The following FBXW7 variants were observed in gnomAD, a reference collection of about 807,000 sequenced individuals.
FBXW7 encodes the protein F-box and WD repeat domain containing 7.
In FBXW7, 11 loss-of-function variants were observed where a neutral mutation model predicts 86.3. That is an observed-to-expected ratio of 0.13 (90% CI 0.08 to 0.21). The LOEUF (loss-of-function observed/expected upper bound fraction) is 0.21, where lower values mean the gene tolerates loss of function less well. Ranked by LOEUF, FBXW7 falls within the 10% of genes least tolerant of loss-of-function variation. The pLI, the probability that FBXW7 is intolerant of heterozygous loss-of-function variation, is 1.00. For synonymous variants in FBXW7, 313 were observed against 297.9 expected, an observed-to-expected ratio of 1.05 and a Z score of -0.52; for missense variants, 488 against 847.4, an observed-to-expected ratio of 0.58 and a Z score of 5.27.
intron 4 of FBXW7, among the ~76,000 whole-genome samples, chr4:152,368,750 CAT>C (rs1174638675): frequency 6.6e-6 from 1 of 152,038 alleles, no homozygotes; most frequent in African/African-American, 2.4e-5. Context: ...AAATCAATAA[CAT>C]GTATTTTTAA....
rs565746705 is a variant in FBXW7 at position 152,439,278 on chromosome 4, C to A, written c.-119-26749G>T. Among the ~76,000 whole-genome samples, 11 of 152,008 alleles carry A rather than the reference C, an allele frequency of 7.2e-5. No individual in the cohort carries two copies. The East Asian group carries it at 1.5e-3, about 21-fold the overall frequency. On this transcript the variant is annotated intron_variant, in intron 2 of 13. Transcript: ENST00000281708. ...AGAGGCAACTGATAAAAACTACACC[C>A]TGGATCAGATTTACTAGTTTTCACA...
At chr4:152,519,041 G>C (rs1419104504) in intron 2 of FBXW7, among the ~76,000 whole-genome samples, 1 of 152,188 alleles carries the variant, frequency 6.6e-6, no homozygotes, top group Non-Finnish European at 1.5e-5. Flanking sequence ...GCTCATGCCT[G>C]TAATCCCAGC....
At chr4:152,401,026 G>A (rs2126840438) in intron 4 of FBXW7, among the ~76,000 whole-genome samples, 1 of 152,256 alleles carries the variant, frequency 6.6e-6, no homozygotes, top group African/African-American at 2.4e-5. Context: ...TCAAAATCCA[G>A]AACACTGACA....
At chr4:152,418,405 A>G (rs2126905836) in intron 2 of FBXW7, among the ~76,000 whole-genome samples, 1 of 152,314 alleles carries the variant, frequency 6.6e-6, no homozygotes, top group South Asian at 2.1e-4. Flanking sequence ...ACATGTTACA[A>G]AAGAAAATCT....
chr4:152,511,221 A>T (rs1231482696), intron 2 of FBXW7, among the ~76,000 whole-genome samples: 4 of 151,952 alleles, frequency 2.6e-5, no homozygotes, highest in Admixed American at 6.6e-5. Context: ...ATGCAGTATG[A>T]ATATAACAGG....
At chr4:152,477,382 T>C (rs1017306038) in intron 2 of FBXW7, among the ~76,000 whole-genome samples, 2 of 152,162 alleles carry the variant, frequency 1.3e-5, no homozygotes, top group African/African-American at 4.8e-5. Context: ...TTTTGTGTGT[T>C]TCCTTCCACC....
At position 152,487,976 on chromosome 4, in the gene FBXW7, C is replaced by T. The variant is rs376469929; in HGVS notation, c.-120+46965G>A. On this transcript the variant is annotated intron_variant, in intron 2 of 13. Transcript: ENST00000281708. ...GCACTTCCAAAATGATTCTAATAAG[C>T]AAAATGCATTCCATTTAAACAAATA... is the stretch of plus-strand genomic sequence containing the variant. 5.9e-5 allele frequency among the ~76,000 whole-genome samples: 9 copies of T among 152,056 alleles called. No individual in the cohort carries two copies. In the East Asian group the frequency reaches 1.5e-3, roughly 26 times the overall value.
chr4:152,363,199 TATA>T lies in FBXW7; in HGVS notation c.502-13078_502-13076del, dbSNP rs760931051. On this transcript the variant is annotated intron_variant, in intron 4 of 13. Coordinates refer to ENST00000281708, the MANE Select transcript of FBXW7 (RefSeq NM_001349798.2). ...TCTCATCCAAATGAATCCTGAGTCA[TATA>T]ATGATTCTCCATTTTCTAAACAATA... is the stretch of plus-strand genomic sequence containing the variant. Among the ~76,000 whole-genome samples the T allele has an allele frequency of 3.9e-5, 6 of 152,302 alleles. No individual in the cohort carries two copies. The East Asian group carries it at 1.2e-3, about 29-fold the overall frequency.
chr4:152,512,576 A>G (rs191997260), intron 2 of FBXW7, among the ~76,000 whole-genome samples: 6 of 152,340 alleles, frequency 3.9e-5, no homozygotes, highest in African/African-American at 1.4e-4. Context: ...TGAAGTTCTC[A>G]TGCATGCTAC....
chr4:152,425,632 A>T (rs1739313244), intron 2 of FBXW7, among the ~76,000 whole-genome samples: 1 of 151,988 alleles, frequency 6.6e-6, no homozygotes, highest in African/African-American at 2.4e-5. Flanking sequence ...ATATAACCAC[A>T]GTGTTGACAT....
chr4:152,506,777 T>C (rs1747463150), intron 2 of FBXW7, among the ~76,000 whole-genome samples: 2 of 152,240 alleles, frequency 1.3e-5, no homozygotes. Context: ...AATTAACTAC[T>C]GCAATTAGGT....
At chr4:152,501,978 C>T (rs1746996279) in intron 2 of FBXW7, among the ~76,000 whole-genome samples, 3 of 152,220 alleles carry the variant, frequency 2.0e-5, no homozygotes, top group South Asian at 4.1e-4. Context: ...GCAAGTAGTT[C>T]TAAGTAGCTC....
At position 152,392,094 on chromosome 4, in the gene FBXW7, A is replaced by G. The variant is rs77707006; in HGVS notation, c.501+19209T>C. ...ATTTAAAAAAAGAAACAGGAATAACATCAAAGATATTATGAACTCTTATAG... is the reference window on the plus strand; with the variant it reads ...ATTTAAAAAAAGAAACAGGAATAACGTCAAAGATATTATGAACTCTTATAG... On this transcript the variant is annotated intron_variant, in intron 4 of 13. Transcript: ENST00000281708. Among the ~76,000 whole-genome samples the G allele has an allele frequency of 5.4e-3, 818 of 152,316 alleles. 5 individuals are homozygous for G. The highest frequency in any genetic ancestry group is 9.2e-3 in the Non-Finnish European group (625 of 68,014).
At chr4:152,348,480 T>C (rs942869796) in intron 5 of FBXW7, among the ~76,000 whole-genome samples, 6 of 151,984 alleles carry the variant, frequency 3.9e-5, no homozygotes, top group African/African-American at 9.7e-5. Context: ...GAAATAAATA[T>C]GCTGTTTGGT....
In FBXW7 at chr4:152,332,737, A is replaced by C; in HGVS notation, c.862-18T>G. 7.3e-7 allele frequency: 1 copy of C among 1,372,212 alleles called. No individual in the cohort carries two copies. Among genetic ancestry groups the C allele is most frequent in the Non-Finnish European group, 9.7e-7 (1 of 1,035,632 alleles). The allele number at this position is 1,372,212 out of a possible 1,614,324, so 85.0% of individuals were successfully genotyped here. On this transcript the variant is annotated intron_variant, in intron 7 of 13. Transcript: ENST00000281708. Reference sequence around the variant, plus strand: ...AGTGCCAACTAAGAAAAAAATGCATAGTATAATACCCATATTTAAATAAAT... The same window carrying C: ...AGTGCCAACTAAGAAAAAAATGCATCGTATAATACCCATATTTAAATAAAT...
At chr4:152,530,377 C>T (rs762826044) in intron 2 of FBXW7, 1 of 152,110 alleles carries the variant, frequency 6.6e-6, no homozygotes, top group Non-Finnish European at 1.5e-5. Context: ...ATTTTACACA[C>T]GAAGTAAATG....
At chr4:152,483,917 T>C (rs1745113014) in intron 2 of FBXW7, among the ~76,000 whole-genome samples, 1 of 152,184 alleles carries the variant, frequency 6.6e-6, no homozygotes, top group Admixed American at 6.5e-5. Context: ...AATTTTACAC[T>C]GGATAGTTTC....
chr4:152,391,960 A>C (rs1736031570), intron 4 of FBXW7, among the ~76,000 whole-genome samples: 1 of 152,112 alleles, frequency 6.6e-6, no homozygotes, highest in Non-Finnish European at 1.5e-5. Flanking sequence ...CAGATATGTA[A>C]GTTTGTCAGA....
At chr4:152,467,520 T>A (rs540928174) in intron 2 of FBXW7, among the ~76,000 whole-genome samples, 4 of 152,130 alleles carry the variant, frequency 2.6e-5, no homozygotes, top group African/African-American at 9.7e-5. Flanking sequence ...AAACTAAACA[T>A]AAATTCACAA....
Sources: gnomAD v4.1 joint callset for allele counts (sites outside exome capture counted in the v4.1 genomes callset) on GRCh38, gnomAD v4.1.1 for gene constraint, MANE v1.5 for transcripts, NCBI Gene and HGNC (gene_info 2026-07-23, HGNC 2026-07-21) for gene names.